The following ANKRD36 variants were observed in gnomAD, a reference collection of about 807,000 sequenced individuals.
The protein encoded by ANKRD36 is ankyrin repeat domain 36, also known as ankyrin repeat domain-containing protein 36A.
Under a neutral mutation model 278.1 loss-of-function variants are expected in ANKRD36, and 179 were observed. That is an observed-to-expected ratio of 0.64 (90% CI 0.57 to 0.73). ANKRD36 has a LOEUF of 0.73. Among genes scored for constraint, ANKRD36 ranks in the 30% least tolerant of loss-of-function variants. The pLI, the probability that ANKRD36 is intolerant of heterozygous loss-of-function variation, is 0.00. For missense variants in ANKRD36, 1,159 were observed against 1,956.7 expected (o/e 0.59, Z 7.69); for synonymous variants, 320 against 641.1 (o/e 0.50, Z 7.57).
chr2:97,184,706 A>G (rs1274686970), intron 28 of ANKRD36, among the ~76,000 whole-genome samples: 8 of 151,736 alleles, frequency 5.3e-5, no homozygotes, highest in Non-Finnish European at 1.5e-5. Context: ...AAACTAGAGG[A>G]TACAAGAAAT....
At chr2:97,203,358 A>C (rs1416600697) in intron 48 of ANKRD36, among the ~76,000 whole-genome samples, 1 of 151,974 alleles carries the variant, frequency 6.6e-6, no homozygotes, top group Non-Finnish European at 1.5e-5. Context: ...GTGTATGTCA[A>C]ATTTGATAAT....
rs181510893 is a variant in ANKRD36 at position 97,123,292 on chromosome 2, G to A, written c.593+299G>A. Reference sequence around the variant, plus strand: ...TGTTTGTTATTTGTAATATGATGTGGTGTTATTTACAATGTAATAATGTGA... The same window carrying A: ...TGTTTGTTATTTGTAATATGATGTGATGTTATTTACAATGTAATAATGTGA... On this transcript the variant is annotated intron_variant, in intron 4 of 75. Transcript: ENST00000420699. 2.5e-4 allele frequency among the ~76,000 whole-genome samples: 36 copies of A among 144,644 alleles called. 2 individuals are homozygous for A. In the East Asian group the frequency reaches 6.6e-3, roughly 27 times the overall value. The allele number at this position is 144,644 out of a possible 152,430, so 94.9% of individuals were successfully genotyped here.
chr2:97,206,222 G>A (rs1258846860), intron 52 of ANKRD36, 87 bp downstream of exon 52: 2 of 1,335,092 alleles, frequency 1.5e-6, no homozygotes, highest in Non-Finnish European at 2.0e-6. Flanking sequence ...GGGGCTCATC[G>A]AAGCTGCACT....
intron 10 of ANKRD36, among the ~76,000 whole-genome samples, chr2:97,145,423 A>G (rs1279808266): frequency 6.6e-6 from 1 of 152,006 alleles, no homozygotes; most frequent in East Asian, 1.9e-4. Context: ...CAGTGAGTCA[A>G]ATGAGATAAA....
At chr2:97,175,381 C>G (rs561440841) in intron 22 of ANKRD36, among the ~76,000 whole-genome samples, 4 of 151,810 alleles carry the variant, frequency 2.6e-5, no homozygotes, top group African/African-American at 7.2e-5. Context: ...AGGAATTTAT[C>G]CATTTCTTCT....
At chr2:97,208,209 C>G (rs1263106649) in intron 54 of ANKRD36, among the ~76,000 whole-genome samples, 1 of 146,550 alleles carries the variant, frequency 6.8e-6, no homozygotes, top group African/African-American at 2.7e-5. Context: ...TACACTTCCC[C>G]ACATTGAAAT....
intron 51 of ANKRD36, 33 bp from the exon 52 acceptor site, chr2:97,206,030 T>C (rs1218313460): frequency 6.5e-7 from 1 of 1,543,074 alleles, no homozygotes; most frequent in Admixed American, 1.9e-5. Context: ...ACATACTTTA[T>C]TTATTTATTA....
At chr2:97,123,802 TA>T (rs1357499967) in intron 4 of ANKRD36, among the ~76,000 whole-genome samples, 1 of 145,976 alleles carries the variant, frequency 6.9e-6, no homozygotes, top group Non-Finnish European at 1.5e-5. Context: ...ACTTTATAGA[TA>T]ATATATAATA....
chr2:97,172,404 T>C (rs1369135116), intron 22 of ANKRD36, among the ~76,000 whole-genome samples: 1 of 151,924 alleles, frequency 6.6e-6, no homozygotes, highest in African/African-American at 2.4e-5. Context: ...GCCGATACCA[T>C]ATAGACTTAA....
chr2:97,195,181 G>C (rs2059431402), intron 40 of ANKRD36, among the ~76,000 whole-genome samples: 1 of 152,004 alleles, frequency 6.6e-6, no homozygotes, highest in African/African-American at 2.4e-5. Context: ...CTGGGGCCCA[G>C]CATAATTCTG....
chr2:97,128,662 G>T (rs1311163686), intron 6 of ANKRD36, among the ~76,000 whole-genome samples: 2 of 151,926 alleles, frequency 1.3e-5, no homozygotes, highest in Non-Finnish European at 2.9e-5. Flanking sequence ...TGACTTCTGA[G>T]TACATGTGCC....
At chr2:97,163,389 C>A in intron 18 of ANKRD36, 1 of 67,814 alleles carries the variant, frequency 1.5e-5, no homozygotes, top group Non-Finnish European at 3.4e-5. Flanking sequence ...GTAATGCATA[C>A]TTTTTTTTTT....
chr2:97,192,849 G>C lies in ANKRD36; in HGVS notation c.2348-9G>C. On this transcript the variant is annotated splice_polypyrimidine_tract_variant and intron_variant, in intron 36 of 75. Transcript: ENST00000420699. ...ATATGAGTGATTATGTATCCCTTTT[G>C]CTTTTCAGTGTCTTCTCAGAAACCA... 1.9e-6 allele frequency: 3 copies of C among 1,601,624 alleles called. No individual in the cohort carries two copies. The highest frequency in any genetic ancestry group is 2.6e-6 in the Non-Finnish European group (3 of 1,176,162).
chr2:97,207,943 G>A lies in ANKRD36; in HGVS notation c.3202G>A (p.Ala1068Thr), dbSNP rs2153615894. The A allele has an allele frequency of 6.5e-7, 1 of 1,529,602 alleles. No homozygotes were observed. The highest frequency in any genetic ancestry group is 2.4e-5 in the East Asian group (1 of 40,878). The allele number at this position is 1,529,602 out of a possible 1,614,324, so 94.8% of individuals were successfully genotyped here. A position where few individuals can be genotyped will look rare whatever the true frequency, so the allele number is the denominator to read the frequency against. Residue 1068 changes from alanine to threonine, a missense_variant, in exon 54 of 76, where the codon GCC becomes ACC. By Grantham distance (58) the Ala-to-Thr change is moderately conservative. Transcript: ENST00000420699. ...TTGAAATTCCATTCAGGCTACAAGT[G>A]CCGAGAAAGATTCTGTTTTGAATAT... ...EKPSGLKATS[A>T]EKDSVLNIAR... is the part of the protein sequence containing the mutation.
chr2:97,115,452 A>G (rs1287707372), intron 1 of ANKRD36, among the ~76,000 whole-genome samples: 2 of 152,014 alleles, frequency 1.3e-5, no homozygotes, highest in African/African-American at 2.4e-5. Flanking sequence ...ACAAAAGACA[A>G]TATGTGTATA....
At chr2:97,164,595 T>G in intron 20 of ANKRD36, 126 bp downstream of exon 20, 1 of 1,020,758 alleles carries the variant, frequency 9.8e-7, no homozygotes, top group South Asian at 1.6e-5. Context: ...TATGCTGATG[T>G]TCTTGTTAAT....
At chr2:97,165,767 T>C (rs2050465330) in intron 20 of ANKRD36, among the ~76,000 whole-genome samples, 1 of 152,276 alleles carries the variant, frequency 6.6e-6, no homozygotes, top group African/African-American at 2.4e-5. Context: ...TTCTGAAAAC[T>C]TTAAATACAT....
intron 48 of ANKRD36, among the ~76,000 whole-genome samples, chr2:97,202,819 G>A (rs1217625983): frequency 6.6e-6 from 1 of 151,826 alleles, no homozygotes; most frequent in Non-Finnish European, 1.5e-5. Context: ...GGAGACCCTT[G>A]TTGTAGCAAT....
At chr2:97,193,888 C>G (rs1462766921) in intron 38 of ANKRD36, among the ~76,000 whole-genome samples, 1 of 151,628 alleles carries the variant, frequency 6.6e-6, no homozygotes, top group Non-Finnish European at 1.5e-5. Context: ...ATTTTAGACA[C>G]AAGAATGATG....
Sources: allele counts gnomAD v4.1 joint callset (sites outside exome capture counted in the v4.1 genomes callset), GRCh38; gene constraint gnomAD v4.1.1; transcripts MANE v1.5; gene names NCBI Gene and HGNC (gene_info 2026-07-23, HGNC 2026-07-21).